Variants in C2CD5 observed in about 807,000 individuals in gnomAD.
The protein encoded by C2CD5 is C2 calcium dependent domain containing 5, also known as C2 domain-containing protein 5.
Under a neutral mutation model 130.3 loss-of-function variants are expected in C2CD5, and 109 were observed. That is an observed-to-expected ratio of 0.84 (90% CI 0.72 to 0.98). C2CD5 has a LOEUF of 0.98. C2CD5 is among the 50% of genes least tolerant of loss of function. The pLI, the probability that C2CD5 is intolerant of heterozygous loss-of-function variation, is 0.00. For missense variants in C2CD5, 996 were observed against 1,261.8 expected (o/e 0.79, Z 3.19); for synonymous variants, 454 against 429.2 (o/e 1.06, Z -0.71).
chr12:22,509,244 AG>A (rs1948928546), intron 9 of C2CD5, among the ~76,000 whole-genome samples: 1 of 152,260 alleles, frequency 6.6e-6, no homozygotes, highest in Admixed American at 6.5e-5. Context: ...AATGGAAGAT[AG>A]TACTTCCTTT....
rs1458413721 is a variant in C2CD5 at position 22,484,724 on chromosome 12, A to G, written c.1523T>C (p.Ile508Thr). The G allele has an allele frequency of 1.3e-6, 2 of 1,591,992 alleles. No individual in the cohort carries two copies. Among genetic ancestry groups the G allele is most frequent in the African/African-American group, 1.4e-5 (1 of 73,576 alleles). Residue 508 changes from isoleucine (I) to threonine (T), a missense_variant, in exon 13 of 27, where the codon ATT (isoleucine) becomes ACT (threonine). This residue lies in a region of C2CD5 where 590 missense variants were observed against 631.4 expected (regional missense o/e 0.93). Transcript: ENST00000446597. ...TGCTTGAATAAGACAACCTTTTCCAATAACTGTTGCATCTGTTGGGAGGTC... is the reference window on the plus strand; with the variant it reads ...TGCTTGAATAAGACAACCTTTTCCAGTAACTGTTGCATCTGTTGGGAGGTC... Reference protein sequence around the residue: ...TIDLPTDATVIGKGCLIQARL... With the variant: ...TIDLPTDATVTGKGCLIQARL...
intron 22 of C2CD5, among the ~76,000 whole-genome samples, chr12:22,462,868 G>A (rs1014690238): frequency 5.9e-5 from 9 of 151,706 alleles, no homozygotes; most frequent in African/African-American, 9.7e-5. Flanking sequence ...GGGCGGGTCA[G>A]TTGAGCTCAG....
In C2CD5 at chr12:22,489,447, T is replaced by C. The variant is rs191874216; in HGVS notation, c.1358+676A>G. Among the ~76,000 whole-genome samples, 47 of 152,086 alleles carry C rather than the reference T, an allele frequency of 3.1e-4. No homozygotes were observed. In the East Asian group the frequency reaches 6.0e-3, roughly 19 times the overall value. ...CCCACAAAATTCCAAAAAGCAAAAC[T>C]TGAATTTGCCACATGCTCAGCATTA... On this transcript the variant is annotated intron_variant, in intron 12 of 26. Coordinates refer to ENST00000446597, the MANE Select transcript of C2CD5 (RefSeq NM_001286176.2).
chr12:22,544,274 G>T (rs936406000), intron 1 of C2CD5, 46 bp downstream of exon 1: 1 of 731,844 alleles, frequency 1.4e-6, no homozygotes, highest in South Asian at 2.1e-5. Flanking sequence ...GAGCGCGCGG[G>T]GGCGCGCGCG....
At chr12:22,458,668 C>T (rs544993361) in intron 23 of C2CD5, 83 bp from the exon 24 acceptor site, 22 of 473,008 alleles carry the variant, frequency 4.7e-5, no homozygotes, top group South Asian at 1.1e-4. Context: ...ACACTCCTTT[C>T]GATGATGTAA....
chr12:22,512,812 A>C (rs1949338014), intron 9 of C2CD5: 8 of 548,788 alleles, frequency 1.5e-5, no homozygotes, highest in Non-Finnish European at 2.2e-5. Flanking sequence ...GATGCATTAT[A>C]CTGAATAACC....
At chr12:22,528,116 A>G (rs1036478579) in intron 3 of C2CD5, among the ~76,000 whole-genome samples, 1 of 152,300 alleles carries the variant, frequency 6.6e-6, no homozygotes. Context: ...TCAGCACAAG[A>G]CTGGGATGAC....
At chr12:22,488,562 T>C (rs892349093) in intron 12 of C2CD5, among the ~76,000 whole-genome samples, 4 of 152,216 alleles carry the variant, frequency 2.6e-5, no homozygotes, top group African/African-American at 7.2e-5. Context: ...TTTGTTAAAT[T>C]AGGCTTCCTA....
chr12:22,474,817 T>C lies in C2CD5; in HGVS notation c.1977A>G (p.Ser659=). 6.2e-7 allele frequency: 1 copy of C among 1,610,528 alleles called. No individual in the cohort carries two copies. The highest frequency in any genetic ancestry group is 8.5e-7 in the Non-Finnish European group (1 of 1,177,788). ...RQRSRLLRSQ[S]ESSDEVTELD... is the part of the protein sequence containing the mutation. ...ATTCTGTAACTTCATCCGAGCTTTC[T>C]GATTGAGATCTTAGAAGTCTTGAGC... The change falls in exon 16 of 27, where the codon TCA becomes TCG. Residue 659 remains serine, a synonymous_variant. Transcript: ENST00000446597.
chr12:22,538,493 A>C (rs2137292383), intron 2 of C2CD5, among the ~76,000 whole-genome samples: 1 of 152,344 alleles, frequency 6.6e-6, no homozygotes, highest in African/African-American at 2.4e-5. Context: ...TCTTACCCAG[A>C]GGAGTATTTA....
chr12:22,486,737 G>A (rs1363345797), intron 12 of C2CD5, among the ~76,000 whole-genome samples: 3 of 152,110 alleles, frequency 2.0e-5, no homozygotes, highest in African/African-American at 7.2e-5. Flanking sequence ...TTTCTTAAAT[G>A]ACATTTTAAG....
At chr12:22,533,581 T>A (rs1446102020) in intron 3 of C2CD5, among the ~76,000 whole-genome samples, 3 of 151,818 alleles carry the variant, frequency 2.0e-5, no homozygotes, top group African/African-American at 7.3e-5. Context: ...AAAACAGACA[T>A]CCTAACAGTA....
intron 10 of C2CD5, among the ~76,000 whole-genome samples, chr12:22,500,863 A>G (rs1037509328): frequency 2.0e-5 from 3 of 152,182 alleles, no homozygotes; most frequent in African/African-American, 4.8e-5. Flanking sequence ...AATGCTTCAT[A>G]TAATACATGG....
At chr12:22,503,708 C>T (rs1483163686) in intron 10 of C2CD5, among the ~76,000 whole-genome samples, 2 of 152,206 alleles carry the variant, frequency 1.3e-5, no homozygotes, top group Middle Eastern at 3.4e-3. Flanking sequence ...GAGAGGGTTT[C>T]ACCATGCTGC....
intron 26 of C2CD5, 38 bp from the exon 27 acceptor site, chr12:22,449,929 C>T: frequency 6.4e-7 from 1 of 1,552,790 alleles, no homozygotes; most frequent in Non-Finnish European, 8.8e-7. Context: ...CAGTTATACT[C>T]AACACATTCA....
rs186530241 is a variant in C2CD5 at position 22,460,043 on chromosome 12, G to C, written c.2534-501C>G. ...ACTCTCACCACCAACTTCTTCATTCGAAGACTTCGATATCAACAGCTCCCT... is the reference window on the plus strand; with the variant it reads ...ACTCTCACCACCAACTTCTTCATTCCAAGACTTCGATATCAACAGCTCCCT... On this transcript the variant is annotated intron_variant, in intron 22 of 26. Coordinates refer to ENST00000446597, the MANE Select transcript of C2CD5 (RefSeq NM_001286176.2). Among the ~76,000 whole-genome samples the C allele has an allele frequency of 1.1e-4, 17 of 152,218 alleles. No individual in the cohort carries two copies. The East Asian group carries it at 2.5e-3, about 22-fold the overall frequency.
chr12:22,522,873 A>G (rs1233718092), intron 7 of C2CD5, among the ~76,000 whole-genome samples: 1 of 152,166 alleles, frequency 6.6e-6, no homozygotes, highest in Non-Finnish European at 1.5e-5. Context: ...CAGTGTCTAA[A>G]TATCTGGAAT....
chr12:22,481,484 C>A (rs1225103832), intron 14 of C2CD5, among the ~76,000 whole-genome samples: 1 of 152,046 alleles, frequency 6.6e-6, no homozygotes, highest in Non-Finnish European at 1.5e-5. Context: ...ACACTTTTTG[C>A]AGGCACCTGG....
intron 13 of C2CD5, among the ~76,000 whole-genome samples, chr12:22,483,637 C>T (rs1419603588): frequency 6.6e-6 from 1 of 151,936 alleles, no homozygotes; most frequent in Non-Finnish European, 1.5e-5. Flanking sequence ...GGAAAACAAT[C>T]CCAAATGGAA....
Sources: gnomAD v4.1 joint callset for allele counts (sites outside exome capture counted in the v4.1 genomes callset) on GRCh38, gnomAD v4.1.1 for gene constraint, gnomAD v4.1.1 regional missense constraint, MANE v1.5 for transcripts, NCBI Gene and HGNC (gene_info 2026-07-23, HGNC 2026-07-21) for gene names.